ASIC2: variants seen among roughly 807,000 people sequenced by gnomAD.
ASIC2 encodes acid-sensing ion channel 2.
In ASIC2, 25 loss-of-function variants were observed where a neutral mutation model predicts 57.3. That is an observed-to-expected ratio of 0.44 (90% confidence interval 0.32 to 0.61). ASIC2 has a LOEUF of 0.61. Among genes scored for constraint, ASIC2 ranks in the 20% least tolerant of loss-of-function variants. The pLI is 0.06. For synonymous variants in ASIC2, 319 were observed against 307.5 expected (o/e 1.04, Z -0.39); for missense variants, 641 against 738.1 (o/e 0.87, Z 1.52).
At chr17:33,959,523 TTCAGTCTG>T (rs112751091) in intron 1 of ASIC2, among the ~76,000 whole-genome samples, 83 of 152,334 alleles carry the variant, frequency 5.4e-4, no homozygotes, top group African/African-American at 1.9e-3. Context: ...CAGTACAGCC[TTCAGTCTG>T]TTGCCAAAGG....
chr17:33,370,008 G>A (rs140971523), intron 1 of ASIC2, among the ~76,000 whole-genome samples: 2 of 152,254 alleles, frequency 1.3e-5, no homozygotes, highest in African/African-American at 4.8e-5. Context: ...TCCTAAGACT[G>A]AGGTCCTCGG....
chr17:33,610,948 A>G (rs1294956024), intron 1 of ASIC2, among the ~76,000 whole-genome samples: 2 of 152,130 alleles, frequency 1.3e-5, no homozygotes, highest in African/African-American at 4.8e-5. Context: ...TGGTGCCTAA[A>G]AAATTAGCAC....
chr17:33,093,712 C>T (rs9303660), intron 2 of ASIC2, among the ~76,000 whole-genome samples: 69,748 of 151,864 alleles, frequency 0.46, 16,755 homozygotes, highest in African/African-American at 0.61. Context: ...GCAGAAAGGA[C>T]ATGGGAGCCC....
chr17:33,869,811 G>T (rs996571110), intron 1 of ASIC2, among the ~76,000 whole-genome samples: 2 of 152,226 alleles, frequency 1.3e-5, no homozygotes, highest in African/African-American at 4.8e-5. Context: ...TCCTAAAATT[G>T]ATTGTGATAA....
intron 1 of ASIC2, among the ~76,000 whole-genome samples, chr17:34,028,263 G>C (rs544660802): frequency 6.6e-6 from 1 of 152,252 alleles, no homozygotes; most frequent in South Asian, 2.1e-4. Flanking sequence ...CATGGAGGTC[G>C]GTGCTGGACC....
intron 1 of ASIC2, among the ~76,000 whole-genome samples, chr17:33,673,562 G>A (rs978693918): frequency 1.3e-5 from 2 of 152,166 alleles, no homozygotes; most frequent in South Asian, 4.1e-4. Context: ...AAGGCTCCAG[G>A]ACCACATATC....
Position 33,568,610 on chromosome 17 carries a change from T to A in ASIC2, c.556-456543A>T, listed in dbSNP as rs1347404425. 2.0e-5 allele frequency among the ~76,000 whole-genome samples: 3 copies of A among 152,186 alleles called. No homozygotes were observed. In the East Asian group the frequency reaches 5.8e-4, roughly 29 times the overall value. Reference sequence around the variant, plus strand: ...TCGAGCAGAGTTAATCATTCATCCCTTCCCCCTCTGTGTTATATGAGGCTA... The same window carrying A: ...TCGAGCAGAGTTAATCATTCATCCCATCCCCCTCTGTGTTATATGAGGCTA... On this transcript the variant is annotated intron_variant, in intron 1 of 9. Coordinates refer to the ASIC2 transcript ENST00000359872.
intron 3 of ASIC2, among the ~76,000 whole-genome samples, chr17:33,064,506 C>T (rs1260597668): frequency 6.6e-6 from 1 of 152,174 alleles, no homozygotes; most frequent in Admixed American, 6.5e-5. Context: ...TGCAGAACAG[C>T]GAATATTGCT....
intron 1 of ASIC2, among the ~76,000 whole-genome samples, chr17:33,846,653 C>T (rs1808262667): frequency 1.3e-5 from 2 of 152,168 alleles, no homozygotes; most frequent in Non-Finnish European, 2.9e-5. Context: ...CATGCACACC[C>T]ACCCACACAC....
At chr17:33,346,339 GGT>G (rs1287271583) in intron 1 of ASIC2, among the ~76,000 whole-genome samples, 1 of 151,840 alleles carries the variant, frequency 6.6e-6, no homozygotes, top group African/African-American at 2.4e-5. Context: ...TTTGGTGATT[GGT>G]TGGCTGGAGG....
At chr17:33,638,508 C>A (rs12944859) in intron 1 of ASIC2, among the ~76,000 whole-genome samples, 1 of 152,152 alleles carries the variant, frequency 6.6e-6, no homozygotes, top group Non-Finnish European at 1.5e-5. Flanking sequence ...GGATGTAACG[C>A]GGAGTAGAAC....
chr17:34,052,907 C>T (rs1908624747), intron 1 of ASIC2, among the ~76,000 whole-genome samples: 1 of 152,030 alleles, frequency 6.6e-6, no homozygotes, highest in Non-Finnish European at 1.5e-5. Flanking sequence ...GTGTGAGCCA[C>T]CATGCCCAGC....
At chr17:34,080,022 TCCTGAGCTGATG>T (rs1567812581) in intron 1 of ASIC2, among the ~76,000 whole-genome samples, 5 of 152,308 alleles carry the variant, frequency 3.3e-5, no homozygotes, top group Middle Eastern at 6.8e-3. Context: ...TATCATGAAC[TCCTGAGCTGATG>T]GCTTCTACAC....
chr17:34,051,881 AGC>A, intron 1 of ASIC2: 1 of 150,870 alleles, frequency 6.6e-6, no homozygotes, highest in Admixed American at 6.6e-5. Flanking sequence ...AGAGCGAGAG[AGC>A]GAGAGAGCGA....
chr17:33,826,715 C>T (rs1456734572), intron 1 of ASIC2, among the ~76,000 whole-genome samples: 1 of 151,978 alleles, frequency 6.6e-6, no homozygotes, highest in African/African-American at 2.4e-5. Flanking sequence ...CTGGACCAGA[C>T]CTTATGATTT....
At chr17:33,613,944 A>G (rs1905509810) in intron 1 of ASIC2, among the ~76,000 whole-genome samples, 1 of 152,148 alleles carries the variant, frequency 6.6e-6, no homozygotes, top group African/African-American at 2.4e-5. Context: ...GACTATAATG[A>G]ATATTCCTGT....
chr17:33,225,707 T>C (rs1026262696), intron 1 of ASIC2, among the ~76,000 whole-genome samples: 3 of 152,132 alleles, frequency 2.0e-5, no homozygotes, highest in Non-Finnish European at 4.4e-5. Flanking sequence ...AAGGCTTGGG[T>C]GGGAGCCAAA....
intron 7 of ASIC2, among the ~76,000 whole-genome samples, chr17:33,020,112 TG>T (rs1387156813): frequency 2.0e-5 from 3 of 151,990 alleles, no homozygotes; most frequent in African/African-American, 7.3e-5. Context: ...CGAGCTATGG[TG>T]GGGAGTCCCC....
At chr17:33,029,517 G>A (rs1012477803) in intron 3 of ASIC2, among the ~76,000 whole-genome samples, 2 of 152,144 alleles carry the variant, frequency 1.3e-5, no homozygotes, top group Admixed American at 1.3e-4. Context: ...ACTAAAATTT[G>A]CTTATCCACT....
Sources: gnomAD v4.1 joint callset for allele counts (sites outside exome capture counted in the v4.1 genomes callset) on GRCh38, gnomAD v4.1.1 for gene constraint, MANE v1.5 for transcripts, NCBI Gene and HGNC (gene_info 2026-07-23, HGNC 2026-07-21) for gene names.